The following ST6GALNAC3 variants were observed in gnomAD, a reference collection of about 807,000 sequenced individuals.
ST6GALNAC3 encodes the protein alpha-N-acetylgalactosaminide alpha-2,6-sialyltransferase 3.
In ST6GALNAC3, 25 loss-of-function variants were observed where a neutral mutation model predicts 32.7. That is an observed-to-expected ratio of 0.76 (90% CI 0.56 to 1.07). ST6GALNAC3 has a LOEUF of 1.07. ST6GALNAC3 is among the 50% of genes least tolerant of loss of function. The probability of loss-of-function intolerance (pLI) is 0.00; values close to 1 mark genes in which losing one functional copy is unlikely to be tolerated. For missense variants in ST6GALNAC3, 355 were observed against 382.4 expected (o/e 0.93, Z 0.60); for synonymous variants, 129 against 133.1 (o/e 0.97, Z 0.21).
chr1:76,199,096 C>G (rs1018958704), intron 1 of ST6GALNAC3, among the ~76,000 whole-genome samples: 1 of 152,160 alleles, frequency 6.6e-6, no homozygotes, highest in South Asian at 2.1e-4. Flanking sequence ...AAATTCTTCC[C>G]TTTCCTTCAA....
chr1:76,117,018 A>G (rs980548653), intron 1 of ST6GALNAC3, among the ~76,000 whole-genome samples: 1 of 152,214 alleles, frequency 6.6e-6, no homozygotes, highest in African/African-American at 2.4e-5. Flanking sequence ...CACTGGTTCC[A>G]GACCTTTCCA....
chr1:76,547,293 A>G (rs1664354380), intron 3 of ST6GALNAC3, among the ~76,000 whole-genome samples: 1 of 152,324 alleles, frequency 6.6e-6, no homozygotes, highest in African/African-American at 2.4e-5. Flanking sequence ...GCGCCCCGTG[A>G]GGACAGGATT....
intron 1 of ST6GALNAC3, among the ~76,000 whole-genome samples, chr1:76,176,292 A>G (rs939554746): frequency 1.3e-5 from 2 of 152,170 alleles, no homozygotes; most frequent in Non-Finnish European, 2.9e-5. Flanking sequence ...CGGCATCAGT[A>G]TTTCACCTGC....
At chr1:76,553,120 G>C (rs1244053472) in intron 3 of ST6GALNAC3, among the ~76,000 whole-genome samples, 5 of 152,102 alleles carry the variant, frequency 3.3e-5, no homozygotes. Flanking sequence ...AAATACTTGG[G>C]TCTTTTCCCA....
chr1:76,629,275 C>G lies in ST6GALNAC3; in HGVS notation c.*469C>G, dbSNP rs1649171163. ...TTGTCAAACACTGACCCAAGAACTG[C>G]TATCAGGGTGCAAGTATCTTACTAC... is the stretch of plus-strand genomic sequence containing the variant. On this transcript the variant is annotated 3_prime_UTR_variant, in exon 5 of 5. Coordinates refer to ENST00000328299, the MANE Select transcript of ST6GALNAC3 (RefSeq NM_152996.4). The G allele has an allele frequency of 2.0e-6, 2 of 989,060 alleles. No individual in the cohort carries two copies. Among genetic ancestry groups the G allele is most frequent in the South Asian group, 9.3e-5 (2 of 21,530 alleles). 61.3% of individuals were successfully genotyped at this position (989,060 alleles called of 1,614,324 possible). A position where few individuals can be genotyped will look rare whatever the true frequency, so the allele number is the denominator to read the frequency against.
intron 1 of ST6GALNAC3, among the ~76,000 whole-genome samples, chr1:76,276,908 A>G (rs758523097): frequency 6.6e-6 from 1 of 152,178 alleles, no homozygotes; most frequent in African/African-American, 2.4e-5. Flanking sequence ...TGGCAAATCA[A>G]TTAGGCTGAG....
rs528146214 is a variant in ST6GALNAC3 at position 76,547,848 on chromosome 1, C to A, written c.624-79604C>A. ...CTGCACTCCAGCCCCAGCGACAATG[C>A]GAGATTCTGTCTCAAAAAAAAAAAA... is the stretch of plus-strand genomic sequence containing the variant. On this transcript the variant is annotated intron_variant, in intron 3 of 4. Transcript: ENST00000328299. Among the ~76,000 whole-genome samples the A allele has an allele frequency of 7.1e-5, 9 of 126,786 alleles. No homozygotes were observed. In the South Asian group the frequency reaches 2.5e-3, roughly 35 times the overall value. 83.2% of individuals were successfully genotyped at this position (126,786 alleles called of 152,430 possible).
At chr1:76,164,695 T>C (rs956214183) in intron 1 of ST6GALNAC3, among the ~76,000 whole-genome samples, 1 of 152,144 alleles carries the variant, frequency 6.6e-6, no homozygotes, top group Non-Finnish European at 1.5e-5. Flanking sequence ...AGTAAGTCCA[T>C]AATAATAGGG....
intron 1 of ST6GALNAC3, among the ~76,000 whole-genome samples, chr1:76,171,639 C>T (rs535529772): frequency 8.6e-5 from 13 of 151,818 alleles, no homozygotes; most frequent in African/African-American, 2.7e-4. Flanking sequence ...TACAAACTGC[C>T]ATCAGAGAAT....
intron 3 of ST6GALNAC3, among the ~76,000 whole-genome samples, chr1:76,490,474 T>A (rs1331015131): frequency 6.7e-6 from 1 of 149,054 alleles, no homozygotes; most frequent in African/African-American, 2.4e-5. Context: ...ATAAGTTATA[T>A]GAGATATATA....
At chr1:76,292,329 A>G (rs927730102) in intron 1 of ST6GALNAC3, among the ~76,000 whole-genome samples, 1 of 151,956 alleles carries the variant, frequency 6.6e-6, no homozygotes, top group African/African-American at 2.4e-5. Flanking sequence ...TGATACACTG[A>G]TACACCTGGG....
At chr1:76,135,223 G>A (rs1166607532) in intron 1 of ST6GALNAC3, among the ~76,000 whole-genome samples, 2 of 152,108 alleles carry the variant, frequency 1.3e-5, no homozygotes, top group African/African-American at 4.8e-5. Flanking sequence ...CCATACAAAT[G>A]TAGCATGGCT....
chr1:76,110,123 CTCAT>C (rs1647818447), intron 1 of ST6GALNAC3, among the ~76,000 whole-genome samples: 1 of 152,238 alleles, frequency 6.6e-6, no homozygotes, highest in Non-Finnish European at 1.5e-5. Flanking sequence ...GCCCAAAGGG[CTCAT>C]TCAAATTCTT....
chr1:76,359,440 T>C (rs12727514), intron 2 of ST6GALNAC3, among the ~76,000 whole-genome samples: 6,838 of 152,176 alleles, frequency 0.045, 220 homozygotes, highest in African/African-American at 0.084. Flanking sequence ...AAGATAGAAA[T>C]TCACACAGGA....
At chr1:76,402,552 A>G (rs1410965100) in intron 2 of ST6GALNAC3, among the ~76,000 whole-genome samples, 1 of 152,152 alleles carries the variant, frequency 6.6e-6, no homozygotes, top group Non-Finnish European at 1.5e-5. Context: ...GTTCCAGAAT[A>G]TTATTTAGGC....
chr1:76,587,918 G>A (rs1015674546), intron 3 of ST6GALNAC3, among the ~76,000 whole-genome samples: 2 of 152,274 alleles, frequency 1.3e-5, no homozygotes, highest in Admixed American at 6.5e-5. Flanking sequence ...CATCGGTTAG[G>A]ATCCACCAGG....
intron 3 of ST6GALNAC3, among the ~76,000 whole-genome samples, chr1:76,479,938 A>G (rs1659615834): frequency 6.6e-6 from 1 of 152,236 alleles, no homozygotes; most frequent in Non-Finnish European, 1.5e-5. Flanking sequence ...AAAGCAAATA[A>G]TCTTTAAAAA....
chr1:76,418,577 G>A (rs973646255), intron 3 of ST6GALNAC3, among the ~76,000 whole-genome samples: 9 of 151,864 alleles, frequency 5.9e-5, no homozygotes, highest in African/African-American at 2.2e-4. Flanking sequence ...GAGATAATAG[G>A]CAAAAGACAG....
intron 1 of ST6GALNAC3, among the ~76,000 whole-genome samples, chr1:76,148,075 A>T (rs1650801117): frequency 6.6e-6 from 1 of 152,176 alleles, no homozygotes; most frequent in Admixed American, 6.5e-5. Context: ...ACTGTGGAAT[A>T]TGCTCAGTAA....
Sources: allele counts gnomAD v4.1 joint callset (sites outside exome capture counted in the v4.1 genomes callset), GRCh38; gene constraint gnomAD v4.1.1; transcripts MANE v1.5; gene names NCBI Gene and HGNC (gene_info 2026-07-23, HGNC 2026-07-21).